The following ZNF385D variants were observed in gnomAD, a reference collection of about 807,000 sequenced individuals.
ZNF385D encodes the protein zinc finger protein 659.
In ZNF385D, 15 loss-of-function variants were observed where a neutral mutation model predicts 35.8. The ratio of observed to expected loss-of-function variants is 0.42; its 90% CI spans 0.28 to 0.64. The LOEUF (loss-of-function observed/expected upper bound fraction) is 0.64. Ranked by LOEUF, ZNF385D falls within the 30% of genes least tolerant of loss-of-function variation. The pLI is 0.23. For synonymous variants in ZNF385D, 212 were observed against 186.8 expected (o/e 1.13, Z -1.10); for missense variants, 474 against 494.6 (o/e 0.96, Z 0.39).
intron 3 of ZNF385D, among the ~76,000 whole-genome samples, chr3:21,854,216 A>C (rs1310551193): frequency 6.6e-6 from 1 of 151,902 alleles, no homozygotes; most frequent in African/African-American, 2.4e-5. Flanking sequence ...TTCATCCTTA[A>C]AGGAGAGCTT....
intron 3 of ZNF385D, among the ~76,000 whole-genome samples, chr3:21,921,433 G>C (rs1410801287): frequency 6.6e-6 from 1 of 152,010 alleles, no homozygotes; most frequent in African/African-American, 2.4e-5. Context: ...GTGCACCTAT[G>C]ACAAGATATG....
chr3:21,818,262 T>C (rs933594015), intron 3 of ZNF385D, among the ~76,000 whole-genome samples: 1 of 152,202 alleles, frequency 6.6e-6, no homozygotes, highest in East Asian at 1.9e-4. Context: ...CACACCAACA[T>C]GGCACATGTA....
chr3:22,176,605 C>T (rs1225140184), intron 2 of ZNF385D, among the ~76,000 whole-genome samples: 1 of 152,076 alleles, frequency 6.6e-6, no homozygotes, highest in Non-Finnish European at 1.5e-5. Context: ...GCAGACTCAC[C>T]TACAAAAATT....
chr3:22,295,712 C>T (rs2125404394), intron 2 of ZNF385D, among the ~76,000 whole-genome samples: 1 of 152,130 alleles, frequency 6.6e-6, no homozygotes. Context: ...ATATGCACAC[C>T]TCATAGTCTG....
At chr3:21,517,490 C>T (rs954944880) in intron 3 of ZNF385D, among the ~76,000 whole-genome samples, 1 of 152,094 alleles carries the variant, frequency 6.6e-6, no homozygotes, top group South Asian at 2.1e-4. Context: ...AGTTTATTCC[C>T]TTTTTTTCTT....
chr3:21,599,975 A>AAAAC lies in ZNF385D; in HGVS notation c.166-35295_166-35292dup, dbSNP rs377157918. ...TACAGGTCATAAAGACCTTGCTGATAAAACAGACTGCAGTAAAGAAGCCGG... is the reference window on the plus strand; with the variant it reads ...TACAGGTCATAAAGACCTTGCTGATAAAACAAACAGACTGCAGTAAAGAAGCCGG... On this transcript the variant is annotated intron_variant, in intron 2 of 7. Coordinates refer to ENST00000281523, the MANE Select transcript of ZNF385D (RefSeq NM_024697.3). Among the ~76,000 whole-genome samples the AAAAC allele has an allele frequency of 4.6e-5, 7 of 152,324 alleles. 1 individual carries two copies. Among genetic ancestry groups the AAAAC allele is most frequent in the African/African-American group, 1.7e-4 (7 of 41,568 alleles).
chr3:21,990,131 G>A (rs1695069759), intron 3 of ZNF385D, among the ~76,000 whole-genome samples: 1 of 152,156 alleles, frequency 6.6e-6, no homozygotes, highest in Non-Finnish European at 1.5e-5. Context: ...ATTTTTGTGA[G>A]GCTATGTCAG....
intron 3 of ZNF385D, among the ~76,000 whole-genome samples, chr3:21,991,723 G>T (rs1034700920): frequency 2.0e-5 from 3 of 152,136 alleles, no homozygotes; most frequent in Non-Finnish European, 2.9e-5. Flanking sequence ...ATTGCTTCAT[G>T]GTCCAGATTG....
intron 2 of ZNF385D, among the ~76,000 whole-genome samples, chr3:22,318,935 T>C (rs1401254698): frequency 1.3e-5 from 2 of 152,232 alleles, no homozygotes; most frequent in Non-Finnish European, 2.9e-5. Context: ...TTCCCTAGAA[T>C]GCATTTTTTG....
chr3:22,274,206 GAAGA>G (rs946145573), intron 2 of ZNF385D, among the ~76,000 whole-genome samples: 14 of 151,924 alleles, frequency 9.2e-5, no homozygotes, highest in African/African-American at 3.4e-4. Flanking sequence ...ATAGCACTTA[GAAGA>G]AAGAAGAACA....
intron 2 of ZNF385D, among the ~76,000 whole-genome samples, chr3:21,641,708 T>A (rs9864046): frequency 0.018 from 2,562 of 146,378 alleles, 70 homozygotes; most frequent in African/African-American, 0.061. Context: ...ACTCCTGAAC[T>A]CAAGTGATCT....
chr3:21,421,544 C>A, intron 7 of ZNF385D, 97 bp from the exon 8 acceptor site: 1 of 752,080 alleles, frequency 1.3e-6, no homozygotes, highest in Non-Finnish European at 2.1e-6. Flanking sequence ...TAGCAGTAAA[C>A]AACTATAAAG....
intron 1 of ZNF385D, among the ~76,000 whole-genome samples, chr3:21,699,669 T>C (rs966554531): frequency 1.3e-5 from 2 of 151,970 alleles, no homozygotes; most frequent in African/African-American, 2.4e-5. Flanking sequence ...ATAGCTTACA[T>C]TGATAATGTT....
At chr3:22,172,177 G>A (rs957394591) in intron 2 of ZNF385D, among the ~76,000 whole-genome samples, 1 of 152,130 alleles carries the variant, frequency 6.6e-6, no homozygotes, top group Non-Finnish European at 1.5e-5. Flanking sequence ...CTGGAAAGAT[G>A]TCTGGCTTAA....
At chr3:22,120,590 C>T (rs951920480) in intron 3 of ZNF385D, among the ~76,000 whole-genome samples, 1 of 152,120 alleles carries the variant, frequency 6.6e-6, no homozygotes, top group South Asian at 2.1e-4. Flanking sequence ...CCACCATAGT[C>T]TGAATTCCAT....
chr3:22,180,930 TAA>T (rs1695223358), intron 2 of ZNF385D, among the ~76,000 whole-genome samples: 1 of 149,476 alleles, frequency 6.7e-6, no homozygotes, highest in East Asian at 1.9e-4. Flanking sequence ...TTTTTTTTTT[TAA>T]GAGACAGCTT....
chr3:21,826,667 G>A (rs1323794315), intron 3 of ZNF385D, among the ~76,000 whole-genome samples: 1 of 152,042 alleles, frequency 6.6e-6, no homozygotes, highest in Non-Finnish European at 1.5e-5. Context: ...TAAGGGTGGT[G>A]GGGGATACAT....
intron 3 of ZNF385D, among the ~76,000 whole-genome samples, chr3:21,832,701 T>C (rs2125767628): frequency 6.6e-6 from 1 of 152,316 alleles, no homozygotes; most frequent in East Asian, 1.9e-4. Context: ...CTCAGCACTG[T>C]TGGGCATTTA....
intron 3 of ZNF385D, among the ~76,000 whole-genome samples, chr3:21,938,182 C>A (rs150484336): frequency 2.0e-5 from 3 of 152,146 alleles, no homozygotes; most frequent in African/African-American, 7.2e-5. Context: ...CCATTTTAGT[C>A]GGATAATTTG....
Sources: gnomAD v4.1 joint callset for allele counts (sites outside exome capture counted in the v4.1 genomes callset) on GRCh38, gnomAD v4.1.1 for gene constraint, MANE v1.5 for transcripts, NCBI Gene and HGNC (gene_info 2026-07-23, HGNC 2026-07-21) for gene names.